The following DIP2A variants were observed in gnomAD, a reference collection of about 807,000 sequenced individuals.
The protein encoded by DIP2A is disco-interacting protein 2 homolog A.
In DIP2A, 85 loss-of-function variants were observed where a neutral mutation model predicts 177.4. The observed-to-expected ratio is 0.48, with a 90% confidence interval of 0.40 to 0.57. The LOEUF is 0.57. Ranked by LOEUF, DIP2A falls within the 20% of genes least tolerant of loss-of-function variation. DIP2A has a pLI of 0.00. For synonymous variants in DIP2A, 886 were observed against 881.8 expected, an observed-to-expected ratio of 1.00 and a Z score of -0.08; for missense variants, 1,791 against 2,100.2, an observed-to-expected ratio of 0.85 and a Z score of 2.88.
intron 21 of DIP2A, among the ~76,000 whole-genome samples, chr21:46,548,759 A>G (rs1601799715): frequency 6.7e-6 from 1 of 150,010 alleles, no homozygotes; most frequent in Admixed American, 6.6e-5. Context: ...GTGGTTAGGG[A>G]TTGTCTGAGG....
At chr21:46,540,052 G>A (rs2059748584) in intron 17 of DIP2A, 61 bp downstream of exon 17, 1 of 1,394,678 alleles carries the variant, frequency 7.2e-7, no homozygotes, top group Non-Finnish European at 1.0e-6. Flanking sequence ...ATACAGCTGA[G>A]TTATCCTGGA....
chr21:46,538,763 A>G, intron 16 of DIP2A, 161 bp downstream of exon 16: 2 of 1,112,948 alleles, frequency 1.8e-6, no homozygotes, highest in Non-Finnish European at 2.5e-6. Context: ...TTGGTGATTC[A>G]CTGGTTTATC....
At position 46,529,094 on chromosome 21, in the gene DIP2A, A is replaced by G. The variant is rs1283474766; in HGVS notation, c.1105A>G (p.Lys369Glu). 6 of 1,496,460 alleles carry G rather than the reference A, an allele frequency of 4.0e-6. No homozygotes were observed. The Admixed American group carries it at 7.2e-5, about 18-fold the overall frequency. 92.7% of individuals were successfully genotyped at this position (1,496,460 alleles called of 1,614,324 possible). A position where few individuals can be genotyped will look rare whatever the true frequency, so the allele number is the denominator to read the frequency against. ...GKAVYTLTYG[K>E]LWSRSLKLAY... The stretch of plus-strand genomic sequence containing the variant: ...TTAGTATTTTTATTTTGTTTTAGGT[A>G]AACTTTGGAGTCGGAGTTTAAAACT... The change falls in exon 9 of 38, where the codon AAA (lysine) becomes GAA (glutamate). Residue 369 changes from lysine (K) to glutamate (E), a missense_variant and splice_region_variant. Physicochemically the swap from Lys to Glu is moderately conservative, Grantham distance 56. Transcript: ENST00000417564.
At chr21:46,546,052 G>C in intron 20 of DIP2A, 91 bp downstream of exon 20, 3 of 1,593,454 alleles carry the variant, frequency 1.9e-6, no homozygotes, top group Non-Finnish European at 2.6e-6. Context: ...CCCTTGTCCT[G>C]GCCGTTCCTG....
chr21:46,464,394 A>C (rs1443492359), intron 1 of DIP2A, among the ~76,000 whole-genome samples: 2 of 152,114 alleles, frequency 1.3e-5, no homozygotes, highest in Non-Finnish European at 2.9e-5. Context: ...ACTTCGTCTC[A>C]AAAAAAGAAA....
chr21:46,525,913 T>G (rs1381265738), intron 8 of DIP2A, among the ~76,000 whole-genome samples: 1 of 107,494 alleles, frequency 9.3e-6, no homozygotes, highest in Non-Finnish European at 2.0e-5. Context: ...ATTATTATTA[T>G]TATTATTATT....
rs1004035237 is a variant in DIP2A, at chr21:46,541,776, C to T, written c.2057C>T (p.Pro686Leu). Residue 686 changes from proline (P) to leucine (L), a missense_variant, in exon 18 of 38, where the codon CCA becomes CTA. Pro to Leu is a moderately conservative substitution (Grantham distance 98, BLOSUM62 -3). Coordinates refer to ENST00000417564, the MANE Select transcript of DIP2A (RefSeq NM_015151.4). ...AIRRPPDLGGPPPRKAVLSMN... is the reference protein window; with the variant it reads ...AIRRPPDLGGLPPRKAVLSMN... Reference sequence around the variant, plus strand: ...TCTAGGCCACCTGATCTGGGAGGACCACCTCCAAGAAAAGCAGTCCTGTCG... The same window carrying T: ...TCTAGGCCACCTGATCTGGGAGGACTACCTCCAAGAAAAGCAGTCCTGTCG... The T allele has an allele frequency of 6.2e-7, 1 of 1,613,832 alleles. No individual in the cohort carries two copies.
intron 18 of DIP2A, among the ~76,000 whole-genome samples, chr21:46,542,685 C>G (rs960375212): frequency 7.2e-5 from 11 of 152,256 alleles, no homozygotes. Context: ...ACAGCTACTT[C>G]AGCTTTCCTG....
chr21:46,542,881 T>C (rs1384831528), intron 18 of DIP2A, among the ~76,000 whole-genome samples: 3 of 152,246 alleles, frequency 2.0e-5, no homozygotes, highest in African/African-American at 7.2e-5. Context: ...ACTCTGCCTC[T>C]TGCAGGCGGC....
At chr21:46,504,270 T>C in intron 5 of DIP2A, 91 bp from the exon 6 acceptor site, 1 of 1,527,684 alleles carries the variant, frequency 6.5e-7, no homozygotes, top group Non-Finnish European at 8.9e-7. Context: ...ACTCAGCTAG[T>C]GGAGCTTTAG....
chr21:46,509,991 G>T (rs559859885), intron 7 of DIP2A, among the ~76,000 whole-genome samples: 70 of 152,262 alleles, frequency 4.6e-4, no homozygotes, highest in Admixed American at 2.2e-3. Context: ...TTATTTCCCC[G>T]TTGTAATCAG....
chr21:46,548,516 T>G (rs139033386), intron 21 of DIP2A, among the ~76,000 whole-genome samples: 5 of 152,118 alleles, frequency 3.3e-5, no homozygotes, highest in African/African-American at 1.2e-4. Context: ...AATAGAAGAT[T>G]TGCAACATGA....
At position 46,493,540 on chromosome 21, in the gene DIP2A, T is replaced by A. The variant is rs921489898; in HGVS notation, c.283+2821T>A. Among the ~76,000 whole-genome samples, 4 of 146,450 alleles carry A rather than the reference T, an allele frequency of 2.7e-5. No homozygotes were observed. In the South Asian group the frequency reaches 6.6e-4, roughly 24 times the overall value. ...ATATTTAAATGATAATTTGGCTGGA[T>A]ATAAAATTCTAGGTTTAACACTTTT... On this transcript the variant is annotated intron_variant, in intron 3 of 37. Coordinates refer to ENST00000417564, the MANE Select transcript of DIP2A (RefSeq NM_015151.4).
chr21:46,564,060 T>C, intron 35 of DIP2A, 128 bp downstream of exon 35: 1 of 1,079,228 alleles, frequency 9.3e-7, no homozygotes, highest in Admixed American at 2.5e-5. Flanking sequence ...CATTTGGCCC[T>C]TGCCCCGTGT....
chr21:46,540,294 T>C (rs543755137), intron 17 of DIP2A, among the ~76,000 whole-genome samples: 2 of 152,292 alleles, frequency 1.3e-5, no homozygotes, highest in South Asian at 4.1e-4. Context: ...CTAGGAACTC[T>C]TTCTTACTCT....
chr21:46,569,486 A>G lies in DIP2A; in HGVS notation c.*1864A>G, dbSNP rs2060923173. On this transcript the variant is annotated 3_prime_UTR_variant, in exon 38 of 38. Coordinates refer to ENST00000417564, the MANE Select transcript of DIP2A (RefSeq NM_015151.4). ...ATAGAATGGCTGGGAAGGGAAAGAA[A>G]AAAAAAAAAAAACTACCTAACTCCA... 1 of 124,840 alleles carries G rather than the reference A, an allele frequency of 8.0e-6. No individual in the cohort carries two copies. The highest frequency in any genetic ancestry group is 2.0e-4 in the East Asian group (1 of 5,042). 7.7% of individuals were successfully genotyped at this position (124,840 alleles called of 1,614,324 possible).
At chr21:46,522,902 C>A (rs2058887601) in intron 8 of DIP2A, among the ~76,000 whole-genome samples, 3 of 151,886 alleles carry the variant, frequency 2.0e-5, no homozygotes, top group African/African-American at 7.3e-5. Flanking sequence ...AACCATAGTG[C>A]TCTTTTATTT....
intron 32 of DIP2A, among the ~76,000 whole-genome samples, chr21:46,560,199 T>G (rs1242786566): frequency 2.0e-5 from 3 of 152,198 alleles, no homozygotes; most frequent in Non-Finnish European, 4.4e-5. Flanking sequence ...TGATGTTCCT[T>G]ATTGAATAAA....
chr21:46,559,610 C>T (rs539818647), intron 32 of DIP2A, among the ~76,000 whole-genome samples: 2 of 152,306 alleles, frequency 1.3e-5, no homozygotes, highest in South Asian at 2.1e-4. Context: ...AGCGGCTCTG[C>T]GTCTGCAAGC....
Sources: allele counts gnomAD v4.1 joint callset (sites outside exome capture counted in the v4.1 genomes callset), GRCh38; gene constraint gnomAD v4.1.1; transcripts MANE v1.5; gene names NCBI Gene and HGNC (gene_info 2026-07-23, HGNC 2026-07-21).